Variants in RPS6KA5 observed in about 807,000 individuals in gnomAD.
RPS6KA5 encodes the protein ribosomal protein S6 kinase A5.
A neutral mutation model predicts 85.5 loss-of-function variants in RPS6KA5; 27 were observed. The observed-to-expected ratio is 0.32, with a 90% confidence interval of 0.23 to 0.44. The LOEUF is 0.44. Ranked by LOEUF, RPS6KA5 falls within the 20% of genes least tolerant of loss-of-function variation. RPS6KA5 has a pLI of 1.00. For synonymous variants in RPS6KA5, 334 were observed against 348.2 expected (o/e 0.96, Z 0.46); for missense variants, 811 against 980.9 (o/e 0.83, Z 2.31).
chr14:90,911,181 A>T (rs2035799494), intron 7 of RPS6KA5: 1 of 152,202 alleles, frequency 6.6e-6, no homozygotes, highest in Non-Finnish European at 1.5e-5. Context: ...TAATGGAGTA[A>T]GAATTCTCTT....
At chr14:90,919,729 GAA>G (rs1162456478) in intron 7 of RPS6KA5, among the ~76,000 whole-genome samples, 1 of 152,074 alleles carries the variant, frequency 6.6e-6, no homozygotes, top group Non-Finnish European at 1.5e-5. Flanking sequence ...TAGCTGCTCT[GAA>G]AGAAAAGAAG....
intron 1 of RPS6KA5, among the ~76,000 whole-genome samples, chr14:91,041,385 T>G (rs758932017): frequency 1.3e-5 from 2 of 152,352 alleles, no homozygotes; most frequent in East Asian, 1.9e-4. Context: ...GACAATTGTA[T>G]GCAGAGAGAA....
chr14:90,941,622 T>C (rs2037575814), intron 5 of RPS6KA5, among the ~76,000 whole-genome samples: 1 of 152,244 alleles, frequency 6.6e-6, no homozygotes, highest in South Asian at 2.1e-4. Flanking sequence ...GGTTACCTGT[T>C]TCTTACACAG....
chr14:90,966,229 T>G (rs765431411), intron 3 of RPS6KA5, among the ~76,000 whole-genome samples: 2 of 152,110 alleles, frequency 1.3e-5, no homozygotes, highest in Non-Finnish European at 2.9e-5. Context: ...AAAACAAGAC[T>G]CTGTTGAGAA....
At chr14:90,943,524 A>G (rs2037704480) in intron 4 of RPS6KA5, among the ~76,000 whole-genome samples, 1 of 152,026 alleles carries the variant, frequency 6.6e-6, no homozygotes, top group African/African-American at 2.4e-5. Flanking sequence ...TTCATAGCCA[A>G]TTCTTGTCCA....
intron 14 of RPS6KA5, among the ~76,000 whole-genome samples, chr14:90,879,090 C>T (rs553569446): frequency 6.6e-6 from 1 of 152,174 alleles, no homozygotes; most frequent in Non-Finnish European, 1.5e-5. Flanking sequence ...GTTACTAGAC[C>T]CCGGCAGGCT....
intron 1 of RPS6KA5, among the ~76,000 whole-genome samples, chr14:91,007,383 C>T (rs954725654): frequency 1.3e-5 from 2 of 152,116 alleles, no homozygotes; most frequent in Admixed American, 1.3e-4. Context: ...TTCTGATGAC[C>T]ACATGAGTTG....
intron 12 of RPS6KA5, among the ~76,000 whole-genome samples, chr14:90,897,191 C>T (rs998438079): frequency 6.6e-6 from 1 of 152,130 alleles, no homozygotes; most frequent in Non-Finnish European, 1.5e-5. Flanking sequence ...CTAAGGCTGT[C>T]GCTGATCTGC....
intron 7 of RPS6KA5, among the ~76,000 whole-genome samples, chr14:90,910,177 A>T (rs185005999): frequency 6.6e-6 from 1 of 152,226 alleles, no homozygotes; most frequent in East Asian, 1.9e-4. Context: ...CAAAAGCAAG[A>T]CCTTGCCTTA....
At chr14:90,934,944 C>T (rs2037181812) in intron 5 of RPS6KA5, among the ~76,000 whole-genome samples, 1 of 152,116 alleles carries the variant, frequency 6.6e-6, no homozygotes, top group African/African-American at 2.4e-5. Flanking sequence ...TCCTATTTTC[C>T]CAACACCTCC....
At chr14:91,021,098 C>T (rs1381175313) in intron 1 of RPS6KA5, among the ~76,000 whole-genome samples, 1 of 152,144 alleles carries the variant, frequency 6.6e-6, no homozygotes, top group Non-Finnish European at 1.5e-5. Flanking sequence ...CATAGGGACA[C>T]ATTTTAGGGC....
intron 1 of RPS6KA5, among the ~76,000 whole-genome samples, chr14:91,033,950 A>G (rs923517597): frequency 1.4e-4 from 22 of 152,324 alleles, no homozygotes; most frequent in African/African-American, 5.3e-4. Context: ...AATACAATAC[A>G]CCTAACACAC....
chr14:90,975,699 G>A (rs941056240), intron 3 of RPS6KA5, among the ~76,000 whole-genome samples: 16 of 152,198 alleles, frequency 1.1e-4, no homozygotes, highest in East Asian at 1.9e-4. Context: ...GGGACCAAGT[G>A]TATAGCACGA....
At chr14:91,056,896 T>TTTTTG (rs2043344603) in intron 1 of RPS6KA5, among the ~76,000 whole-genome samples, 1 of 86,574 alleles carries the variant, frequency 1.2e-5, no homozygotes, top group Non-Finnish European at 2.6e-5. Flanking sequence ...TTTTTTTTTT[T>TTTTTG]GGAGATGGGA....
chr14:91,039,671 C>T (rs1286217073), intron 1 of RPS6KA5, among the ~76,000 whole-genome samples: 1 of 152,122 alleles, frequency 6.6e-6, no homozygotes, highest in Non-Finnish European at 1.5e-5. Flanking sequence ...AAACAATGTG[C>T]AGCAATATGT....
chr14:90,961,670 T>C (rs1413422178), intron 3 of RPS6KA5, among the ~76,000 whole-genome samples: 1 of 152,222 alleles, frequency 6.6e-6, no homozygotes, highest in Admixed American at 6.5e-5. Flanking sequence ...TGAGATTTTT[T>C]TTTTAATGGC....
chr14:90,865,499 G>C lies in RPS6KA5; in HGVS notation c.*6575C>G, dbSNP rs566380531. Reference sequence around the variant, plus strand: ...GGTGGTTATGTATGAGGACTGACTGGGAGCCTCATCTTGATCTGAATGATG... The same window carrying C: ...GGTGGTTATGTATGAGGACTGACTGCGAGCCTCATCTTGATCTGAATGATG... On this transcript the variant is annotated 3_prime_UTR_variant, in exon 17 of 17. Transcript: ENST00000614987. 6.6e-6 allele frequency: 1 copy of C among 152,260 alleles called. No individual in the cohort carries two copies. The highest frequency in any genetic ancestry group is 1.9e-4 in the East Asian group (1 of 5,184). The allele number at this position is 152,260 out of a possible 1,614,324, so 9.4% of individuals were successfully genotyped here.
chr14:90,974,794 T>C (rs2039489044), intron 3 of RPS6KA5, among the ~76,000 whole-genome samples: 1 of 152,262 alleles, frequency 6.6e-6, no homozygotes, highest in African/African-American at 2.4e-5. Flanking sequence ...GAGCCCAGGC[T>C]AACCATTAGA....
At chr14:90,904,016 G>A (rs916675140) in intron 8 of RPS6KA5, among the ~76,000 whole-genome samples, 15 of 150,704 alleles carry the variant, frequency 1.0e-4, no homozygotes, top group African/African-American at 2.4e-4. Context: ...GCGCGATCTC[G>A]GCTCACTACT....
Sources: allele counts gnomAD v4.1 joint callset (sites outside exome capture counted in the v4.1 genomes callset), GRCh38; gene constraint gnomAD v4.1.1; transcripts MANE v1.5; gene names NCBI Gene and HGNC (gene_info 2026-07-23, HGNC 2026-07-21).